The following WDR41 variants were observed in gnomAD, a reference collection of about 807,000 sequenced individuals.
WDR41 encodes the protein WD repeat domain 41.
A neutral mutation model predicts 69.3 loss-of-function variants in WDR41; 63 were observed. The observed-to-expected ratio is 0.91, with a 90% CI of 0.74 to 1.12. The LOEUF (loss-of-function observed/expected upper bound fraction) is 1.12, where lower values mean the gene tolerates loss of function less well. WDR41 is among the 50% of genes most tolerant of loss of function. The probability of loss-of-function intolerance (pLI) is 0.00; values close to 1 mark genes in which losing one functional copy is unlikely to be tolerated. For missense variants in WDR41, 543 were observed against 534.5 expected (o/e 1.02, Z -0.16); for synonymous variants, 185 against 192.1 (o/e 0.96, Z 0.31).
In WDR41 at chr5:77,512,331, TGAGA is replaced by T. The variant is rs764631325; in HGVS notation, c.43-22763_43-22760del. On this transcript the variant is annotated intron_variant, in intron 1 of 5. Transcript: ENST00000509971. ...ATGGTCTGTAATTACATGGGGTGAG[TGAGA>T]GAGAGAGAGAGAGAGAGTGAGTGTG... 8.0e-4 allele frequency among the ~76,000 whole-genome samples: 70 copies of T among 87,942 alleles called. 1 individual carries two copies. The Middle Eastern group carries it at 0.03, about 38-fold the overall frequency. 57.7% of individuals were successfully genotyped at this position (87,942 alleles called of 152,430 possible). A position where few individuals can be genotyped will look rare whatever the true frequency, so the allele number is the denominator to read the frequency against.
In WDR41 at chr5:77,436,410, T is replaced by A. The variant is rs780923760; in HGVS notation, c.1094-16A>T. 6.2e-7 allele frequency: 1 copy of A among 1,613,218 alleles called. No individual in the cohort carries two copies. Among genetic ancestry groups the A allele is most frequent in the African/African-American group, 1.3e-5 (1 of 74,888 alleles). On this transcript the variant is annotated splice_polypyrimidine_tract_variant and intron_variant, in intron 11 of 12. Transcript: ENST00000296679. The stretch of plus-strand genomic sequence containing the variant: ...TTAAAAAAACCTAGAAAAAGAATCA[T>A]TTCCAAAATTACTGTGCTCTGTACT...
chr5:77,441,310 G>A (rs1471443257), intron 8 of WDR41, among the ~76,000 whole-genome samples: 1 of 152,116 alleles, frequency 6.6e-6, no homozygotes, highest in Non-Finnish European at 1.5e-5. Flanking sequence ...ACCAAAATAA[G>A]TTTCAAATAG....
At chr5:77,468,226 C>T (rs1039329173) in intron 2 of WDR41, among the ~76,000 whole-genome samples, 1 of 152,012 alleles carries the variant, frequency 6.6e-6, no homozygotes, top group African/African-American at 2.4e-5. Context: ...ATAAGTCACT[C>T]GGTAATTCAA....
chr5:77,517,639 T>C, intron 1 of WDR41, among the ~76,000 whole-genome samples: 1 of 75,534 alleles, frequency 1.3e-5, no homozygotes, highest in Non-Finnish European at 3.3e-5. Context: ...AACATATATA[T>C]ATATATATAT....
At chr5:77,456,106 C>T (rs569895578) in intron 5 of WDR41, among the ~76,000 whole-genome samples, 1 of 152,182 alleles carries the variant, frequency 6.6e-6, no homozygotes, top group Admixed American at 6.5e-5. Context: ...GGATGTCTTT[C>T]CATTTATATA....
At chr5:77,441,151 TAAG>T (rs1447817994) in intron 8 of WDR41, among the ~76,000 whole-genome samples, 154 bp from the exon 9 acceptor site, 1 of 152,132 alleles carries the variant, frequency 6.6e-6, no homozygotes, top group Non-Finnish European at 1.5e-5. Context: ...TGTAACAGAA[TAAG>T]AAGGCCAGAA....
chr5:77,574,506 T>A (rs1204207594), intron 1 of WDR41, among the ~76,000 whole-genome samples: 1 of 152,012 alleles, frequency 6.6e-6, no homozygotes, highest in African/African-American at 2.4e-5. Flanking sequence ...ACTATGTAGG[T>A]TTTTTATGTA....
intron 1 of WDR41, among the ~76,000 whole-genome samples, chr5:77,570,273 C>A (rs1477872574): frequency 1.3e-5 from 2 of 151,712 alleles, no homozygotes; most frequent in African/African-American, 4.8e-5. Context: ...GACTATTAAC[C>A]ATAGTTTAAT....
At chr5:77,522,561 A>T (rs557142015) in intron 1 of WDR41, among the ~76,000 whole-genome samples, 12 of 152,142 alleles carry the variant, frequency 7.9e-5, no homozygotes, top group African/African-American at 2.9e-4. Flanking sequence ...AATCTCTTGA[A>T]CCCGGGAGGC....
intron 1 of WDR41, among the ~76,000 whole-genome samples, chr5:77,555,412 GA>G (rs1743373321): frequency 6.6e-6 from 1 of 152,110 alleles, no homozygotes; most frequent in Non-Finnish European, 1.5e-5. Flanking sequence ...TGGCTCAAGT[GA>G]GCCTCCCACC....
At chr5:77,479,073 T>C (rs201458099) in intron 2 of WDR41, among the ~76,000 whole-genome samples, 9,941 of 151,896 alleles carry the variant, frequency 0.065, 577 homozygotes, top group African/African-American at 0.16. Context: ...CCATTCACAA[T>C]TGCTTCAAAG....
chr5:77,565,967 A>G (rs895060389), intron 1 of WDR41, among the ~76,000 whole-genome samples: 1 of 152,136 alleles, frequency 6.6e-6, no homozygotes, highest in African/African-American at 2.4e-5. Flanking sequence ...CATAGCAGAT[A>G]TATATATTGA....
At chr5:77,468,227 G>A (rs939598194) in intron 2 of WDR41, among the ~76,000 whole-genome samples, 4 of 151,890 alleles carry the variant, frequency 2.6e-5, no homozygotes, top group Admixed American at 6.6e-5. Context: ...TAAGTCACTC[G>A]GTAATTCAAT....
intron 1 of WDR41, among the ~76,000 whole-genome samples, chr5:77,508,100 A>G (rs906426164): frequency 5.9e-5 from 9 of 151,948 alleles, no homozygotes; most frequent in Non-Finnish European, 8.8e-5. Flanking sequence ...TCTTTTACAA[A>G]AATTTCTTTT....
At chr5:77,494,718 A>G (rs1327445769), upstream of WDR41, among the ~76,000 whole-genome samples, 2 of 152,204 alleles carry the variant, frequency 1.3e-5, no homozygotes, top group Non-Finnish European at 2.9e-5. Context: ...ATGGTAGCAG[A>G]CTTCATCTGT....
chr5:77,450,574 A>G (rs188219899), intron 7 of WDR41, among the ~76,000 whole-genome samples: 2 of 152,228 alleles, frequency 1.3e-5, no homozygotes, highest in African/African-American at 4.8e-5. Flanking sequence ...CTAAACATTT[A>G]TGTTCCAGGA....
chr5:77,616,937 A>G (rs1037885176), intron 1 of WDR41, among the ~76,000 whole-genome samples: 3 of 152,212 alleles, frequency 2.0e-5, no homozygotes, highest in African/African-American at 4.8e-5. Flanking sequence ...ATCTAGATAG[A>G]AATCTCAGGA....
At position 77,522,042 on chromosome 5, in the gene WDR41, T is replaced by G. The variant is rs1451526546; in HGVS notation, c.43-32470A>C. 5.3e-5 allele frequency among the ~76,000 whole-genome samples: 8 copies of G among 152,200 alleles called. No homozygotes were observed. In the East Asian group the frequency reaches 1.5e-3, roughly 29 times the overall value. The stretch of plus-strand genomic sequence containing the variant: ...AGTCTGAAACAATTGCAGGAGTTTT[T>G]CCTAGAAGAATCAATGGAACTTCAT... On this transcript the variant is annotated intron_variant, in intron 1 of 5. Coordinates refer to the WDR41 transcript ENST00000509971.
chr5:77,543,836 C>T (rs980604569), intron 1 of WDR41, among the ~76,000 whole-genome samples: 2 of 152,030 alleles, frequency 1.3e-5, no homozygotes, highest in Non-Finnish European at 2.9e-5. Flanking sequence ...AAAAGATCAT[C>T]GCCTAGCCAC....
Sources: gnomAD v4.1 joint callset for allele counts (sites outside exome capture counted in the v4.1 genomes callset) on GRCh38, gnomAD v4.1.1 for gene constraint, MANE v1.5 for transcripts, NCBI Gene and HGNC (gene_info 2026-07-23, HGNC 2026-07-21) for gene names.